TBX15: variants seen among roughly 807,000 people sequenced by gnomAD.
The protein encoded by TBX15 is T-box transcription factor TBX15.
A neutral mutation model predicts 53.9 loss-of-function variants in TBX15; 18 were observed. The ratio of observed to expected loss-of-function variants is 0.33; its 90% confidence interval spans 0.23 to 0.49. The LOEUF (loss-of-function observed/expected upper bound fraction) is 0.49. Ranked by LOEUF, TBX15 falls within the 20% of genes least tolerant of loss-of-function variation. The probability of loss-of-function intolerance (pLI) is 0.98; values close to 1 mark genes in which losing one functional copy is unlikely to be tolerated. For missense variants in TBX15, 692 were observed against 749.5 expected, an observed-to-expected ratio of 0.92 and a Z score of 0.90; for synonymous variants, 295 against 278.0, an observed-to-expected ratio of 1.06 and a Z score of -0.61.
At chr1:118,947,660 A>G (rs1263183251) in intron 1 of TBX15, among the ~76,000 whole-genome samples, 1 of 152,224 alleles carries the variant, frequency 6.6e-6, no homozygotes, top group Non-Finnish European at 1.5e-5. Context: ...ACTTATCAGC[A>G]TTACATTTAA....
chr1:118,979,974 G>C (rs548721501), intron 1 of TBX15, among the ~76,000 whole-genome samples: 1 of 152,182 alleles, frequency 6.6e-6, no homozygotes, highest in Non-Finnish European at 1.5e-5. Context: ...CCAAGGCCGG[G>C]CCGAGGGGCC....
intron 6 of TBX15, among the ~76,000 whole-genome samples, chr1:118,908,698 T>C (rs1264984091): frequency 6.6e-6 from 1 of 152,090 alleles, no homozygotes; most frequent in Admixed American, 6.6e-5. Context: ...TAAATGGCCA[T>C]CTGCTATGCT....
At chr1:118,924,967 A>T in intron 3 of TBX15, 150 bp from the exon 4 acceptor site, 1 of 836,396 alleles carries the variant, frequency 1.2e-6, no homozygotes, top group Non-Finnish European at 1.9e-6. Context: ...GACTCAAAGG[A>T]GGAAAAGAGA....
chr1:118,967,373 C>T (rs773051581), intron 1 of TBX15, among the ~76,000 whole-genome samples: 4 of 152,074 alleles, frequency 2.6e-5, no homozygotes, highest in Admixed American at 6.5e-5. Flanking sequence ...GGTAGAAATG[C>T]TATATAAAAA....
chr1:118,901,519 T>G (rs1054126507), intron 6 of TBX15: 4 of 421,916 alleles, frequency 9.5e-6, no homozygotes, highest in South Asian at 5.2e-5. Context: ...GTGACAAAAG[T>G]GTTAATAGTT....
intron 7 of TBX15, among the ~76,000 whole-genome samples, chr1:118,888,127 T>C (rs1654014584): frequency 6.6e-6 from 1 of 152,174 alleles, no homozygotes. Context: ...GCTAACATTG[T>C]AAATACCACT....
chr1:118,939,415 A>C (rs1212463596), intron 1 of TBX15, among the ~76,000 whole-genome samples: 3 of 112,998 alleles, frequency 2.7e-5, no homozygotes, highest in Non-Finnish European at 5.3e-5. Flanking sequence ...CTCAAAAAAA[A>C]AAAAAAAAAA....
At chr1:118,981,078 C>A (rs1657630227) in intron 1 of TBX15, among the ~76,000 whole-genome samples, 1 of 152,156 alleles carries the variant, frequency 6.6e-6, no homozygotes, top group Non-Finnish European at 1.5e-5. Flanking sequence ...TGATCCCCGC[C>A]CCCCGCCTCG....
intron 1 of TBX15, among the ~76,000 whole-genome samples, chr1:118,942,341 T>C (rs1484527587): frequency 6.6e-6 from 1 of 152,198 alleles, no homozygotes; most frequent in Non-Finnish European, 1.5e-5. Flanking sequence ...GCACCTATTA[T>C]GCACTCAATA....
chr1:118,909,140 G>A (rs985116026), intron 6 of TBX15, among the ~76,000 whole-genome samples: 1 of 152,172 alleles, frequency 6.6e-6, no homozygotes, highest in East Asian at 1.9e-4. Context: ...GGACTCACTG[G>A]GGCTCCCCTT....
At chr1:118,928,974 CT>C (rs1379481543) in intron 2 of TBX15, among the ~76,000 whole-genome samples, 4 of 152,152 alleles carry the variant, frequency 2.6e-5, no homozygotes, top group Admixed American at 6.5e-5. Context: ...CTTCGCAAGC[CT>C]TTTTTTTCTT....
chr1:118,943,847 G>T (rs974337823), intron 1 of TBX15, among the ~76,000 whole-genome samples: 5 of 152,116 alleles, frequency 3.3e-5, no homozygotes, highest in African/African-American at 1.2e-4. Context: ...GGCCTGAAAG[G>T]TAGGCATTTT....
intron 6 of TBX15, among the ~76,000 whole-genome samples, chr1:118,904,811 C>A (rs1571160660): frequency 6.6e-6 from 1 of 152,268 alleles, no homozygotes; most frequent in East Asian, 1.9e-4. Context: ...ACATGAGGGA[C>A]AAAATAGCAT....
chr1:118,891,716 C>T (rs1166652630), intron 7 of TBX15, among the ~76,000 whole-genome samples: 5 of 152,154 alleles, frequency 3.3e-5, no homozygotes, highest in African/African-American at 9.7e-5. Flanking sequence ...GCCAGGGGTT[C>T]TGGTAAGCAT....
intron 6 of TBX15, among the ~76,000 whole-genome samples, chr1:118,910,304 A>G (rs1192539927): frequency 2.0e-5 from 3 of 152,202 alleles, no homozygotes; most frequent in Non-Finnish European, 4.4e-5. Context: ...TGTAATCCGT[A>G]TGTTTTGGGT....
chr1:118,887,953 C>T (rs1654008251), intron 7 of TBX15, among the ~76,000 whole-genome samples: 1 of 152,144 alleles, frequency 6.6e-6, no homozygotes, highest in Non-Finnish European at 1.5e-5. Flanking sequence ...GAAAGAATTT[C>T]AAAAGAATTC....
At chr1:118,918,843 C>A (rs1222522091) in intron 5 of TBX15, among the ~76,000 whole-genome samples, 1 of 152,120 alleles carries the variant, frequency 6.6e-6, no homozygotes, top group Non-Finnish European at 1.5e-5. Context: ...ACTTGAATAT[C>A]CTGAGTATGG....
intron 5 of TBX15, among the ~76,000 whole-genome samples, chr1:118,922,500 C>T (rs549119578): frequency 7.9e-5 from 12 of 152,212 alleles, no homozygotes; most frequent in East Asian, 3.9e-4. Flanking sequence ...CATAGCTCTA[C>T]GAGGCAGGCG....
Position 118,906,205 on chromosome 1 carries a change from C to T in TBX15, c.927-7080G>A, listed in dbSNP as rs113576003. Reference sequence around the variant, plus strand: ...ACTGTATGAAATTGCTAGCATTTTGCCATTTTTGACCTATAAATACAGTAA... The same window carrying T: ...ACTGTATGAAATTGCTAGCATTTTGTCATTTTTGACCTATAAATACAGTAA... On this transcript the variant is annotated intron_variant, in intron 6 of 7. Transcript: ENST00000369429. 8.5e-5 allele frequency among the ~76,000 whole-genome samples: 13 copies of T among 152,130 alleles called. 2 individuals carry two copies. The highest frequency in any genetic ancestry group is 3.1e-4 in the African/African-American group (13 of 41,488).
Sources: gnomAD v4.1 joint callset for allele counts (sites outside exome capture counted in the v4.1 genomes callset) on GRCh38, gnomAD v4.1.1 for gene constraint, MANE v1.5 for transcripts, NCBI Gene and HGNC (gene_info 2026-07-23, HGNC 2026-07-21) for gene names.